JAKMIP1: variants seen among roughly 807,000 people sequenced by gnomAD.
The protein encoded by JAKMIP1 is janus kinase and microtubule interacting protein 1, also known as janus kinase and microtubule-interacting protein 1.
Under a neutral mutation model 113.0 loss-of-function variants are expected in JAKMIP1, and 33 were observed. The ratio of observed to expected loss-of-function variants is 0.29; its 90% CI spans 0.22 to 0.39. The LOEUF is 0.39. JAKMIP1 is among the 10% of genes least tolerant of loss of function. The pLI is 1.00. For synonymous variants in JAKMIP1, 480 were observed against 459.9 expected, an observed-to-expected ratio of 1.04 and a Z score of -0.56; for missense variants, 813 against 1,080.5, an observed-to-expected ratio of 0.75 and a Z score of 3.47.
rs1715351517 is a variant in JAKMIP1, at chr4:6,049,145, A to G, written c.1963-223T>C. ...TGGGTTCAAGTGATTCTCTTGCCTC[A>G]GCCTCCCGAGTAGCTGGGATTACAG... On this transcript the variant is annotated intron_variant, in intron 15 of 20. Transcript: ENST00000409021. This position sits in a 1 kb window ranked among gnomAD's most constrained non-coding sequence, Gnocchi z 7.0. 1.3e-5 allele frequency among the ~76,000 whole-genome samples: 2 copies of G among 152,120 alleles called. No individual in the cohort carries two copies. The highest frequency in any genetic ancestry group is 2.9e-5 in the Non-Finnish European group (2 of 68,022).
rs1722527526 is a variant in JAKMIP1 at position 6,158,543 on chromosome 4, G to A, written c.-148+41710C>T. Among the ~76,000 whole-genome samples the A allele has an allele frequency of 6.6e-6, 1 of 152,106 alleles. No homozygotes were observed. The highest frequency in any genetic ancestry group is 1.5e-5 in the Non-Finnish European group (1 of 68,024). ...AGTCACAGGTGGAACATGATTCACT[G>A]GAAAGAAAGGATGAGGTATTCCAGA... On this transcript the variant is annotated intron_variant, in intron 1 of 20. Transcript: ENST00000409021. This position sits in a 1 kb window ranked among gnomAD's most constrained non-coding sequence, Gnocchi z 5.3.
chr4:6,079,992 G>A lies in JAKMIP1; in HGVS notation c.1242+180C>T, dbSNP rs115836234. Among the ~76,000 whole-genome samples, 295 of 152,370 alleles carry A rather than the reference G, an allele frequency of 1.9e-3. 2 individuals are homozygous for A. The highest frequency in any genetic ancestry group is 6.8e-3 in the African/African-American group (281 of 41,588). ...ATCTCATTTAAGCCAAGGCTGCTTAGTGGCAGAATGAAGCGGGAATGTGCA... is the reference window on the plus strand; with the variant it reads ...ATCTCATTTAAGCCAAGGCTGCTTAATGGCAGAATGAAGCGGGAATGTGCA... On this transcript the variant is annotated intron_variant, in intron 7 of 20. Transcript: ENST00000409021.
intron 1 of JAKMIP1, 84 bp from the exon 2 acceptor site, chr4:6,113,081 C>G: frequency 1.7e-6 from 1 of 582,924 alleles, no homozygotes; most frequent in South Asian, 2.2e-5. Flanking sequence ...GGGCCAGGCA[C>G]CTGCCTCATC....
chr4:6,155,811 T>C lies in JAKMIP1; in HGVS notation c.-147-42814A>G, dbSNP rs145758656. Among the ~76,000 whole-genome samples the C allele has an allele frequency of 9.4e-3, 1,426 of 152,326 alleles. 15 individuals are homozygous for C. The highest frequency in any genetic ancestry group is 0.011 in the Admixed American group (173 of 15,300). ...AGGCCTGTGTATCCTGATTCCCAAG[T>C]GTGCTTGCTAACATGCAGCCTTCCT... is the stretch of plus-strand genomic sequence containing the variant. On this transcript the variant is annotated intron_variant, in intron 1 of 20. Coordinates refer to ENST00000409021, the MANE Select transcript of JAKMIP1 (RefSeq NM_001099433.2). This position sits in a 1 kb window ranked among gnomAD's most constrained non-coding sequence, Gnocchi z 6.1.
intron 1 of JAKMIP1, among the ~76,000 whole-genome samples, chr4:6,146,016 G>T (rs7670765): frequency 0.073 from 11,107 of 152,184 alleles, 489 homozygotes; most frequent in South Asian, 0.15. Context: ...CCCATAGCAC[G>T]TTGCAAGTGT....
chr4:6,084,992 A>AG (rs1331934102), intron 4 of JAKMIP1, 27 bp from the exon 5 acceptor site: 1 of 1,547,644 alleles, frequency 6.5e-7, no homozygotes, highest in Non-Finnish European at 8.7e-7. Flanking sequence ...AAAAAAAAAA[A>AG]AAGTCAAGAC....
At chr4:6,060,351 G>A (rs1361745119) in intron 11 of JAKMIP1, 73 bp downstream of exon 11, 1 of 1,166,036 alleles carries the variant, frequency 8.6e-7, no homozygotes, top group East Asian at 2.3e-5. Context: ...CTTGGCACAA[G>A]GGCGAGCCCC....
At chr4:6,195,612 G>C (rs887628096) in intron 1 of JAKMIP1, among the ~76,000 whole-genome samples, 1 of 152,100 alleles carries the variant, frequency 6.6e-6, no homozygotes, top group African/African-American at 2.4e-5. Context: ...AAGAACATGG[G>C]CTTCTTGGCT....
rs2108736873 is a variant in JAKMIP1 at position 6,026,242 on chromosome 4, T to A, written c.2482A>T (p.Ile828Phe). 1.9e-6 allele frequency: 3 copies of A among 1,545,606 alleles called. No individual in the cohort carries two copies. In the South Asian group the frequency reaches 3.6e-5, roughly 19 times the overall value. Residue 828 changes from isoleucine to phenylalanine, a missense_variant, in exon 21 of 21, where the codon ATT becomes TTT. By Grantham distance (21) the Ile-to-Phe change is conservative. Coordinates refer to ENST00000409021, the MANE Select transcript of JAKMIP1 (RefSeq NM_001099433.2). ...FLFLFFSLAF[I>F]LWP Reference sequence around the variant, plus strand: ...CACTGAAGTCATCAAGGCCACAGAATGAATGCTAGTGAGAAAAACAAAAAA... The same window carrying A: ...CACTGAAGTCATCAAGGCCACAGAAAGAATGCTAGTGAGAAAAACAAAAAA...
At chr4:6,113,751 C>A (rs1270225260) in intron 1 of JAKMIP1, among the ~76,000 whole-genome samples, 2 of 152,360 alleles carry the variant, frequency 1.3e-5, no homozygotes, top group East Asian at 3.9e-4. Context: ...CACCACGTCT[C>A]CTTCTCGTTT....
chr4:6,132,313 T>C (rs1235936440), intron 1 of JAKMIP1, among the ~76,000 whole-genome samples: 1 of 152,168 alleles, frequency 6.6e-6, no homozygotes, highest in African/African-American at 2.4e-5. Flanking sequence ...ACACTTGATA[T>C]GTTCAGAAGG....
intron 1 of JAKMIP1, among the ~76,000 whole-genome samples, chr4:6,130,017 C>A (rs1718277334): frequency 6.6e-6 from 1 of 152,218 alleles, no homozygotes; most frequent in African/African-American, 2.4e-5. Context: ...TTGGAAGACT[C>A]TGGGACACCT....
At chr4:6,107,013 C>T (rs1012529352) in intron 2 of JAKMIP1, among the ~76,000 whole-genome samples, 2 of 152,162 alleles carry the variant, frequency 1.3e-5, no homozygotes, top group African/African-American at 4.8e-5. Context: ...TTACTTAAAA[C>T]AGCAGGTAAA....
chr4:6,176,424 C>T lies in JAKMIP1; in HGVS notation c.-148+23829G>A, dbSNP rs1490801281. On this transcript the variant is annotated intron_variant, in intron 1 of 20. Transcript: ENST00000409021. The surrounding 1 kb of genome is among the most constrained non-coding windows in gnomAD (Gnocchi z 5.5). The stretch of plus-strand genomic sequence containing the variant: ...AGATAGGACCTCCAGCCTAGCTGAA[C>T]GGGACCAAGGAAGGATTTCCGATGT... 6.6e-6 allele frequency among the ~76,000 whole-genome samples: 1 copy of T among 152,184 alleles called. No individual in the cohort carries two copies.
chr4:6,190,491 C>T (rs1260563998), intron 1 of JAKMIP1, among the ~76,000 whole-genome samples: 4 of 152,132 alleles, frequency 2.6e-5, no homozygotes, highest in Non-Finnish European at 5.9e-5. Context: ...AGGCTGAACC[C>T]GCCACTGCCA....
rs891068488 is a variant in JAKMIP1 at position 6,139,188 on chromosome 4, G to A, written c.-147-26191C>T. Among the ~76,000 whole-genome samples, 2 of 141,304 alleles carry A rather than the reference G, an allele frequency of 1.4e-5. No individual in the cohort carries two copies. The highest frequency in any genetic ancestry group is 3.1e-5 in the Non-Finnish European group (2 of 63,652). The allele number at this position is 141,304 out of a possible 152,430, so 92.7% of individuals were successfully genotyped here. ...CCTGAATTTTAACCTGCTTTGGGAG[G>A]GTTCCCATGGGCTCCAGAAACTTTC... is the stretch of plus-strand genomic sequence containing the variant. On this transcript the variant is annotated intron_variant, in intron 1 of 20. Coordinates refer to ENST00000409021, the MANE Select transcript of JAKMIP1 (RefSeq NM_001099433.2). This position sits in a 1 kb window ranked among gnomAD's most constrained non-coding sequence, Gnocchi z 5.2.
intron 3 of JAKMIP1, among the ~76,000 whole-genome samples, chr4:6,096,554 A>C (rs766688165): frequency 6.6e-6 from 1 of 152,248 alleles, no homozygotes; most frequent in Non-Finnish European, 1.5e-5. Flanking sequence ...ATTATAACAA[A>C]TTCATTTTCA....
At chr4:6,095,986 G>C (rs1382703054) in intron 3 of JAKMIP1, among the ~76,000 whole-genome samples, 2 of 152,324 alleles carry the variant, frequency 1.3e-5, no homozygotes, top group East Asian at 3.9e-4. Flanking sequence ...GAGTGACTCG[G>C]GGCTGGCCTA....
Position 6,080,202 on chromosome 4 carries a change from C to T in JAKMIP1, c.1212G>A (p.Glu404=). 2 of 1,613,456 alleles carry T rather than the reference C, an allele frequency of 1.2e-6. No individual in the cohort carries two copies. The highest frequency in any genetic ancestry group is 1.7e-6 in the Non-Finnish European group (2 of 1,179,750). Reference sequence around the variant, plus strand: ...AGAGGTCGTCAATGACGTGCTGCTGCTCCAGCACCTGCAGCCTCAGGAACT... The same window carrying T: ...AGAGGTCGTCAATGACGTGCTGCTGTTCCAGCACCTGCAGCCTCAGGAACT... ...EIEFLRLQVL[E]QQHVIDDLSL... is the part of the protein sequence containing the mutation. The change falls in exon 7 of 21, where the codon GAG becomes GAA. Residue 404 remains glutamate, a synonymous_variant. Coordinates refer to ENST00000409021, the MANE Select transcript of JAKMIP1 (RefSeq NM_001099433.2). The surrounding 1 kb of genome is among the most constrained non-coding windows in gnomAD (Gnocchi z 6.0).
Sources: allele counts gnomAD v4.1 joint callset (sites outside exome capture counted in the v4.1 genomes callset), GRCh38; gene constraint gnomAD v4.1.1; non-coding constraint Gnocchi (gnomAD v3.1); transcripts MANE v1.5; gene names NCBI Gene and HGNC (gene_info 2026-07-23, HGNC 2026-07-21).